Variants in MTF1 observed in about 807,000 individuals in gnomAD.
The protein encoded by MTF1 is MRE-binding transcription factor.
Under a neutral mutation model 70.4 loss-of-function variants are expected in MTF1, and 22 were observed. The observed-to-expected ratio is 0.31, with a 90% CI of 0.22 to 0.45. The LOEUF is 0.45. Ranked by LOEUF, MTF1 falls within the 20% of genes least tolerant of loss-of-function variation. The probability of loss-of-function intolerance (pLI) is 1.00; values close to 1 mark genes in which losing one functional copy is unlikely to be tolerated. For missense variants in MTF1, 649 were observed against 922.0 expected (o/e 0.70, Z 3.83); for synonymous variants, 333 against 352.8 (o/e 0.94, Z 0.63).
At chr1:37,836,350 A>G (rs1641170237) in intron 4 of MTF1, among the ~76,000 whole-genome samples, 2 of 152,200 alleles carry the variant, frequency 1.3e-5, no homozygotes. Context: ...GTGACAGTCC[A>G]TATGAAAAAT....
intron 2 of MTF1, among the ~76,000 whole-genome samples, chr1:37,854,400 G>C (rs544796166): frequency 4.6e-5 from 7 of 152,252 alleles, no homozygotes; most frequent in East Asian, 3.9e-4. Flanking sequence ...TCTAGAGCAG[G>C]GTTTCTCAAT....
In MTF1 at chr1:37,811,742, A is replaced by G. The variant is rs996342730; in HGVS notation, c.*3394T>C. On this transcript the variant is annotated 3_prime_UTR_variant, in exon 11 of 11. Coordinates refer to ENST00000373036, the MANE Select transcript of MTF1 (RefSeq NM_005955.3). ...CTACCAACTATCCCAGAGGTGAAGA[A>G]GAGAAGCCCCTTGCCTTTTACTCAG... The G allele has an allele frequency of 1.3e-5, 2 of 152,288 alleles. No individual in the cohort carries two copies. Among genetic ancestry groups the G allele is most frequent in the African/African-American group, 4.8e-5 (2 of 41,468 alleles). 9.4% of individuals were successfully genotyped at this position (152,288 alleles called of 1,614,324 possible).
chr1:37,817,493 A>G lies in MTF1; in HGVS notation c.1768-11T>C, dbSNP rs754984731. On this transcript the variant is annotated splice_polypyrimidine_tract_variant and intron_variant, in intron 9 of 10. Coordinates refer to ENST00000373036, the MANE Select transcript of MTF1 (RefSeq NM_005955.3). ...TTTAGATGCTTGCTGCTGAAAAAAG[A>G]AAAAGAAATCTCATTTATAGCCACT... The G allele has an allele frequency of 1.9e-6, 3 of 1,604,134 alleles. 1 individual carries two copies. In the South Asian group the frequency reaches 3.3e-5, roughly 18 times the overall value.
At chr1:37,833,071 G>A (rs1469576833) in intron 6 of MTF1, among the ~76,000 whole-genome samples, 2 of 151,730 alleles carry the variant, frequency 1.3e-5, no homozygotes, top group African/African-American at 4.8e-5. Context: ...AGGCTCCAAA[G>A]TAACAAACCT....
chr1:37,856,359 G>C (rs1212107274), intron 2 of MTF1, among the ~76,000 whole-genome samples: 3 of 151,398 alleles, frequency 2.0e-5, no homozygotes, highest in Admixed American at 2.0e-4. Context: ...TCTATTTTTA[G>C]TACAGATGGA....
intron 2 of MTF1, among the ~76,000 whole-genome samples, chr1:37,845,751 T>C (rs1195889717): frequency 6.6e-6 from 1 of 152,140 alleles, no homozygotes; most frequent in Non-Finnish European, 1.5e-5. Context: ...AATAAATTTC[T>C]CACCTCAGCC....
intron 10 of MTF1, among the ~76,000 whole-genome samples, chr1:37,816,946 G>C (rs1166541243): frequency 6.6e-6 from 1 of 152,188 alleles, no homozygotes; most frequent in Non-Finnish European, 1.5e-5. Context: ...TTCCACCACA[G>C]ATTCACTTAC....
intron 10 of MTF1, 145 bp downstream of exon 10, chr1:37,817,274 C>G: frequency 2.9e-6 from 2 of 687,294 alleles, no homozygotes; most frequent in Admixed American, 2.3e-5. Context: ...ATGAAATACT[C>G]TAGCCAACAA....
chr1:37,843,306 T>TG (rs1204173914), intron 2 of MTF1, among the ~76,000 whole-genome samples: 1 of 152,102 alleles, frequency 6.6e-6, no homozygotes, highest in East Asian at 1.9e-4. Context: ...TGGCCTGGTT[T>TG]TTTTTTTTAA....
intron 7 of MTF1, among the ~76,000 whole-genome samples, chr1:37,827,388 C>T (rs1218268874): frequency 1.3e-5 from 2 of 150,682 alleles, no homozygotes; most frequent in East Asian, 1.9e-4. Context: ...GACAGAGTCT[C>T]GCTCTGTTGC....
intron 2 of MTF1, among the ~76,000 whole-genome samples, chr1:37,847,172 C>A (rs1202381234): frequency 1.3e-5 from 2 of 152,218 alleles, no homozygotes; most frequent in Admixed American, 6.5e-5. Flanking sequence ...TTTACCCTTA[C>A]AGAACAAGTA....
chr1:37,854,786 G>A (rs1307868382), intron 2 of MTF1, among the ~76,000 whole-genome samples: 2 of 152,120 alleles, frequency 1.3e-5, no homozygotes, highest in Non-Finnish European at 2.9e-5. Flanking sequence ...GGGGCCGGGC[G>A]CGGTGGCTCA....
Position 37,815,636 on chromosome 1 carries a change from A to T in MTF1, c.1832-70T>A. The T allele has an allele frequency of 8.0e-7, 1 of 1,252,824 alleles. No individual in the cohort carries two copies. Among genetic ancestry groups the T allele is most frequent in the South Asian group, 1.5e-5 (1 of 67,346 alleles). 77.6% of individuals were successfully genotyped at this position (1,252,824 alleles called of 1,614,324 possible). On this transcript the variant is annotated intron_variant, in intron 10 of 10. Coordinates refer to ENST00000373036, the MANE Select transcript of MTF1 (RefSeq NM_005955.3). The surrounding 1 kb of genome is among the most constrained non-coding windows in gnomAD (Gnocchi z 4.5). ...GCAGGAGCATGAGGGACAGGGATAC[A>T]TGGACTAGGTGAGAGCAGAGTGCCA...
rs1360259576 is a variant in MTF1 at position 37,822,149 on chromosome 1, G to T, written c.1739C>A (p.Thr580Asn). 2 of 1,609,186 alleles carry T rather than the reference G, an allele frequency of 1.2e-6. No homozygotes were observed. The highest frequency in any genetic ancestry group is 1.7e-6 in the Non-Finnish European group (2 of 1,176,964). Residue 580 changes from threonine (T) to asparagine (N), a missense_variant, in exon 9 of 11, where the codon ACC becomes AAC. Thr to Asn is a moderately conservative substitution (Grantham distance 65, BLOSUM62 0). Coordinates refer to ENST00000373036, the MANE Select transcript of MTF1 (RefSeq NM_005955.3). ...TTGTTCTTGGTTTTGTGGAGAACTG[G>T]TGGCACCATTTAATATCCATTGTAA... ...QNLQWILNGA[T>N]SSPQNQEQIQ...
chr1:37,822,891 CACGTT>C (rs1284101820), intron 8 of MTF1, among the ~76,000 whole-genome samples, 175 bp from the exon 9 acceptor site: 1 of 152,186 alleles, frequency 6.6e-6, no homozygotes, highest in African/African-American at 2.4e-5. Flanking sequence ...GTCAAAGTAT[CACGTT>C]TCACCATCAA....
intron 2 of MTF1, among the ~76,000 whole-genome samples, chr1:37,849,898 T>TAAAC (rs759906774): frequency 6.6e-6 from 1 of 151,848 alleles, no homozygotes. Context: ...ATAAAATACG[T>TAAAC]AAACAAACAA....
At position 37,859,573 on chromosome 1, in the gene MTF1, T is replaced by C; in HGVS notation, c.-94A>G. On this transcript the variant is annotated 5_prime_UTR_variant, in exon 1 of 11. Coordinates refer to ENST00000373036, the MANE Select transcript of MTF1 (RefSeq NM_005955.3). The stretch of plus-strand genomic sequence containing the variant: ...ACGGCGGCAGCAGCAGCTTCTCCCC[T>C]CCCCAGCGGCACCATGATTGCCCCC... 5.0e-6 allele frequency: 2 copies of C among 398,908 alleles called. No homozygotes were observed. The highest frequency in any genetic ancestry group is 8.8e-6 in the Non-Finnish European group (2 of 226,394). 24.7% of individuals were successfully genotyped at this position (398,908 alleles called of 1,614,324 possible).
In MTF1 at chr1:37,857,414, T is replaced by C; in HGVS notation, c.245A>G (p.His82Arg). 6.2e-7 allele frequency: 1 copy of C among 1,614,146 alleles called. No homozygotes were observed. Among genetic ancestry groups the C allele is most frequent in the Non-Finnish European group, 8.5e-7 (1 of 1,180,034 alleles). ...PFLVGGEEGF[H>R]LIDHEAMSQG... ...GGACATTGCTTCATGATCTATCAGG[T>C]GAAAGCCCTCTTCACCCCCTACTAG... The change falls in exon 2 of 11, where the codon CAC (histidine) becomes CGC (arginine). Residue 82 changes from histidine to arginine, a missense_variant. Around this residue, in one of 7 missense-constraint regions of MTF1, gnomAD observed 44 missense variants for 38.1 expected, o/e 1.15. Transcript: ENST00000373036.
At chr1:37,837,418 C>T (rs954235702) in intron 4 of MTF1, among the ~76,000 whole-genome samples, 24 of 152,090 alleles carry the variant, frequency 1.6e-4, no homozygotes, top group Admixed American at 6.6e-4. Context: ...AGTACCCTAA[C>T]AAAACGAGTG....
Sources: gnomAD v4.1 joint callset for allele counts (sites outside exome capture counted in the v4.1 genomes callset) on GRCh38, gnomAD v4.1.1 for gene constraint, gnomAD v4.1.1 regional missense constraint, Gnocchi (gnomAD v3.1) non-coding constraint, MANE v1.5 for transcripts, NCBI Gene and HGNC (gene_info 2026-07-23, HGNC 2026-07-21) for gene names.